MRPL1: variants seen among roughly 807,000 people sequenced by gnomAD.
MRPL1 encodes mitochondrial ribosomal protein L1.
In MRPL1, 28 loss-of-function variants were observed where a neutral mutation model predicts 38.0. The observed-to-expected ratio is 0.74, with a 90% CI of 0.55 to 1.01. The LOEUF (loss-of-function observed/expected upper bound fraction) is 1.01, where lower values mean the gene tolerates loss of function less well. MRPL1 is among the 50% of genes least tolerant of loss of function. MRPL1 has a pLI of 0.00. For synonymous variants in MRPL1, 123 were observed against 126.7 expected, an observed-to-expected ratio of 0.97 and a Z score of 0.20; for missense variants, 358 against 389.8, an observed-to-expected ratio of 0.92 and a Z score of 0.69.
At chr4:77,880,495 CTTTTT>C (rs200273544) in intron 2 of MRPL1, among the ~76,000 whole-genome samples, 2 of 121,660 alleles carry the variant, frequency 1.6e-5, no homozygotes, top group Non-Finnish European at 1.8e-5. Context: ...TCTGCAAGGT[CTTTTT>C]TTTTTTTTTT....
At chr4:77,880,597 C>T (rs772747222) in intron 2 of MRPL1, among the ~76,000 whole-genome samples, 14 of 151,528 alleles carry the variant, frequency 9.2e-5, no homozygotes, top group African/African-American at 1.7e-4. Flanking sequence ...ACCACAGAAC[C>T]GGAACATCTT....
intron 5 of MRPL1, among the ~76,000 whole-genome samples, chr4:77,890,605 T>G (rs1489878227): frequency 2.6e-5 from 4 of 152,282 alleles, no homozygotes; most frequent in Non-Finnish European, 5.9e-5. Flanking sequence ...CTCACTCCTA[T>G]TCAACATAGT....
At chr4:77,886,396 GTGATCTTGGCT>G in intron 4 of MRPL1, among the ~76,000 whole-genome samples, 1 of 151,296 alleles carries the variant, frequency 6.6e-6, no homozygotes, top group Non-Finnish European at 1.5e-5. Context: ...ATGCAATGGC[GTGATCTTGGCT>G]TACCGCAACC....
chr4:77,929,875 A>T (rs905511805), intron 7 of MRPL1, among the ~76,000 whole-genome samples: 5 of 152,220 alleles, frequency 3.3e-5, no homozygotes, highest in East Asian at 1.9e-4. Context: ...CCAAGTTTAA[A>T]ATATAAATAC....
chr4:77,893,278 G>A (rs1316716098), intron 5 of MRPL1, among the ~76,000 whole-genome samples: 1 of 151,988 alleles, frequency 6.6e-6, no homozygotes, highest in African/African-American at 2.4e-5. Context: ...CACCACGCCC[G>A]GCTAGTTTTT....
At chr4:77,907,006 G>C (rs1339083671) in intron 6 of MRPL1, 1 of 985,362 alleles carries the variant, frequency 1.0e-6, no homozygotes, top group Non-Finnish European at 1.2e-6. Context: ...TGAGCCAACT[G>C]AACAACTGCT....
At chr4:77,909,700 C>T (rs1736243334) in intron 7 of MRPL1, among the ~76,000 whole-genome samples, 1 of 151,844 alleles carries the variant, frequency 6.6e-6, no homozygotes. Flanking sequence ...TTTGTATGTC[C>T]CCCTAATCAA....
chr4:77,870,573 G>A (rs984109908), intron 1 of MRPL1, among the ~76,000 whole-genome samples: 5 of 152,010 alleles, frequency 3.3e-5, no homozygotes, highest in Admixed American at 3.3e-4. Flanking sequence ...ATACCTTTAG[G>A]TGAAAAAGCA....
At chr4:77,877,642 A>G (rs1735429501) in intron 2 of MRPL1, among the ~76,000 whole-genome samples, 1 of 145,260 alleles carries the variant, frequency 6.9e-6, no homozygotes, top group Non-Finnish European at 1.5e-5. Flanking sequence ...AAGTAGGCCC[A>G]GTGCAGCTGG....
chr4:77,949,939 A>T, intron 8 of MRPL1, 61 bp downstream of exon 8: 2 of 1,012,974 alleles, frequency 2.0e-6, no homozygotes, highest in South Asian at 1.8e-5. Flanking sequence ...AATGTAAAAT[A>T]TGAAGAAAAA....
At chr4:77,870,109 G>T (rs1735241525) in intron 1 of MRPL1, among the ~76,000 whole-genome samples, 1 of 151,998 alleles carries the variant, frequency 6.6e-6, no homozygotes, top group South Asian at 2.1e-4. Flanking sequence ...GCCCAGGCTG[G>T]GCTCGAGCTC....
chr4:77,890,197 A>T (rs1312858063), intron 5 of MRPL1, among the ~76,000 whole-genome samples: 1 of 152,226 alleles, frequency 6.6e-6, no homozygotes, highest in Non-Finnish European at 1.5e-5. Flanking sequence ...TTTTAGACCA[A>T]TATCCCTGAT....
intron 1 of MRPL1, 138 bp downstream of exon 1, chr4:77,863,017 G>A (rs1735038592): frequency 9.6e-7 from 1 of 1,037,354 alleles, no homozygotes; most frequent in African/African-American, 1.6e-5. Flanking sequence ...TCAGAGGGTG[G>A]GTCATTACTA....
intron 5 of MRPL1, 70 bp downstream of exon 5, chr4:77,887,361 T>TA: frequency 8.0e-7 from 1 of 1,242,670 alleles, no homozygotes; most frequent in Non-Finnish European, 1.2e-6. Context: ...ATTGATCTGT[T>TA]ATATGTGGAA....
At chr4:77,949,638 G>T (rs1737361503) in intron 7 of MRPL1, among the ~76,000 whole-genome samples, 159 bp from the exon 8 acceptor site, 1 of 152,150 alleles carries the variant, frequency 6.6e-6, no homozygotes, top group African/African-American at 2.4e-5. Context: ...ACATGTAAAT[G>T]TGGCATTCGA....
At chr4:77,925,846 T>G (rs1418955756) in intron 7 of MRPL1, among the ~76,000 whole-genome samples, 1 of 152,202 alleles carries the variant, frequency 6.6e-6, no homozygotes, top group Non-Finnish European at 1.5e-5. Context: ...CTTAAGTTTT[T>G]TAATATTTTT....
chr4:77,886,204 T>C (rs567663526), intron 4 of MRPL1, among the ~76,000 whole-genome samples: 73 of 152,348 alleles, frequency 4.8e-4, no homozygotes, highest in East Asian at 4.2e-3. Context: ...GGTCTTGGTC[T>C]GTTGTCCAGG....
At chr4:77,938,418 T>G (rs1737039419) in intron 7 of MRPL1, among the ~76,000 whole-genome samples, 1 of 152,206 alleles carries the variant, frequency 6.6e-6, no homozygotes, top group Admixed American at 6.5e-5. Flanking sequence ...ACCTTTACCT[T>G]TAAATCCCTT....
At chr4:77,929,162 A>T (rs1736787131) in intron 7 of MRPL1, among the ~76,000 whole-genome samples, 1 of 152,228 alleles carries the variant, frequency 6.6e-6, no homozygotes, top group African/African-American at 2.4e-5. Context: ...ATGGTGGCTT[A>T]TGCCTGTAGT....
Sources: allele counts gnomAD v4.1 joint callset (sites outside exome capture counted in the v4.1 genomes callset), GRCh38; gene constraint gnomAD v4.1.1; transcripts MANE v1.5; gene names NCBI Gene and HGNC (gene_info 2026-07-23, HGNC 2026-07-21).